UBE2E1: variants seen among roughly 807,000 people sequenced by gnomAD.
The protein encoded by UBE2E1 is ubiquitin conjugating enzyme E2 E1.
A neutral mutation model predicts 21.4 loss-of-function variants in UBE2E1; 6 were observed. The ratio of observed to expected loss-of-function variants is 0.28; its 90% confidence interval spans 0.15 to 0.55. UBE2E1 has a LOEUF of 0.55. UBE2E1 is among the 20% of genes least tolerant of loss of function. The pLI, the probability that UBE2E1 is intolerant of heterozygous loss-of-function variation, is 0.93. For missense variants in UBE2E1, 142 were observed against 236.5 expected, an observed-to-expected ratio of 0.60 and a Z score of 2.62; for synonymous variants, 87 against 82.7, an observed-to-expected ratio of 1.05 and a Z score of -0.28.
intron 3 of UBE2E1, among the ~76,000 whole-genome samples, chr3:23,873,575 G>A (rs767367620): frequency 2.0e-5 from 3 of 152,108 alleles, no homozygotes; most frequent in African/African-American, 4.8e-5. Context: ...GTGACACCCC[G>A]TCTCTACTAA....
At chr3:23,873,505 G>T (rs1051957381) in intron 3 of UBE2E1, among the ~76,000 whole-genome samples, 1 of 152,052 alleles carries the variant, frequency 6.6e-6, no homozygotes, top group African/African-American at 2.4e-5. Context: ...CCAGCACTTT[G>T]GGGAGGCTGA....
chr3:23,822,695 C>T (rs1316988997), intron 3 of UBE2E1, among the ~76,000 whole-genome samples: 3 of 152,206 alleles, frequency 2.0e-5, no homozygotes, highest in Non-Finnish European at 2.9e-5. Flanking sequence ...AAATATTTTA[C>T]ATGCTTTGAT....
At chr3:23,807,103 C>T in intron 1 of UBE2E1, 134 bp from the exon 2 acceptor site, 1 of 703,698 alleles carries the variant, frequency 1.4e-6, no homozygotes, top group East Asian at 2.8e-5. Context: ...GGCCTGCAGA[C>T]TTTGAAAAGC....
chr3:23,831,553 G>C (rs1699866756), intron 3 of UBE2E1, among the ~76,000 whole-genome samples: 1 of 138,124 alleles, frequency 7.2e-6, no homozygotes, highest in South Asian at 2.2e-4. Flanking sequence ...GTCCCACTCT[G>C]TTGCCCAGGC....
chr3:23,882,168 T>TA (rs1248875736), intron 3 of UBE2E1, among the ~76,000 whole-genome samples: 6 of 152,180 alleles, frequency 3.9e-5, no homozygotes, highest in Admixed American at 1.3e-4. Flanking sequence ...GCCTGCTTTT[T>TA]ATTCCTTTAT....
At chr3:23,888,887 T>C (rs115499968) in intron 4 of UBE2E1, among the ~76,000 whole-genome samples, 2,251 of 152,300 alleles carry the variant, frequency 0.015, 29 homozygotes, top group African/African-American at 0.031. Context: ...AAAGATGAAA[T>C]TAGGAAGTAC....
At chr3:23,845,613 G>GTGTGTGTA (rs1413363695) in intron 3 of UBE2E1, among the ~76,000 whole-genome samples, 6 of 151,066 alleles carry the variant, frequency 4.0e-5, no homozygotes, top group African/African-American at 1.2e-4. Context: ...GTGTGTGTGT[G>GTGTGTGTA]TGTATGTGTG....
rs200182715 is a variant in UBE2E1, at chr3:23,842,250, G to T, written c.203+30740G>T. Among the ~76,000 whole-genome samples the T allele has an allele frequency of 0.039, 3,336 of 86,106 alleles. 105 individuals carry two copies. Among genetic ancestry groups the T allele is most frequent in the African/African-American group, 0.092 (1,996 of 21,592 alleles). 56.5% of individuals were successfully genotyped at this position (86,106 alleles called of 152,430 possible). A position where few individuals can be genotyped will look rare whatever the true frequency, so the allele number is the denominator to read the frequency against. On this transcript the variant is annotated intron_variant, in intron 3 of 5. Coordinates refer to ENST00000306627, the MANE Select transcript of UBE2E1 (RefSeq NM_003341.5). The surrounding 1 kb of genome is among the most constrained non-coding windows in gnomAD (Gnocchi z 4.6). Reference sequence around the variant, plus strand: ...GTGTGTGTGTGTGTGTGTGTGTGTGGTGTTGTTGTTGTTGGCGACAGGGTC... The same window carrying T: ...GTGTGTGTGTGTGTGTGTGTGTGTGTTGTTGTTGTTGTTGGCGACAGGGTC...
rs1701410199 is a variant in UBE2E1, at chr3:23,890,982, A to G, written c.*376A>G. 1 of 156,348 alleles carries G rather than the reference A, an allele frequency of 6.4e-6. No homozygotes were observed. Among genetic ancestry groups the G allele is most frequent in the Non-Finnish European group, 1.4e-5 (1 of 70,624 alleles). The allele number at this position is 156,348 out of a possible 1,614,324, so 9.7% of individuals were successfully genotyped here. On this transcript the variant is annotated 3_prime_UTR_variant, in exon 6 of 6. Coordinates refer to ENST00000306627, the MANE Select transcript of UBE2E1 (RefSeq NM_003341.5). The stretch of plus-strand genomic sequence containing the variant: ...TAAGACTACATACTTTTTGTTTAAA[A>G]CAAAATTGGAATTTGTTTTCCCTTC...
intron 3 of UBE2E1, among the ~76,000 whole-genome samples, chr3:23,827,054 G>C (rs946974814): frequency 4.6e-5 from 7 of 151,906 alleles, no homozygotes; most frequent in African/African-American, 1.7e-4. Context: ...CTAAGAAAAG[G>C]GCCCTTAGGA....
In UBE2E1 at chr3:23,887,504, T is replaced by C; in HGVS notation, c.204-63T>C. 16 of 1,558,374 alleles carry C rather than the reference T, an allele frequency of 1.0e-5. No homozygotes were observed. Among genetic ancestry groups the C allele is most frequent in the African/African-American group, 1.4e-5 (1 of 72,958 alleles). The stretch of plus-strand genomic sequence containing the variant: ...AGAGAGGTAATCTTTCCATCTCTTT[T>C]AATACACTGTAAAAATTGGGATAGT... On this transcript the variant is annotated intron_variant, in intron 3 of 5. Transcript: ENST00000306627. This position sits in a 1 kb window ranked among gnomAD's most constrained non-coding sequence, Gnocchi z 4.4.
At chr3:23,839,846 A>G (rs1700048062) in intron 3 of UBE2E1, among the ~76,000 whole-genome samples, 1 of 152,136 alleles carries the variant, frequency 6.6e-6, no homozygotes, top group African/African-American at 2.4e-5. Flanking sequence ...TTGTCTGGCT[A>G]CTTTTAAGAA....
At position 23,810,497 on chromosome 3, in the gene UBE2E1, CG is replaced by C. The variant is rs1450919130; in HGVS notation, c.153-960del. 1 of 1,535,562 alleles carries C rather than the reference CG, an allele frequency of 6.5e-7. No individual in the cohort carries two copies. The highest frequency in any genetic ancestry group is 8.7e-7 in the Non-Finnish European group (1 of 1,146,644). Reference sequence around the variant, plus strand: ...GACCATGAAGGAAGTGGGCAGACCCCGGGAAGTTAGAGGACGCCCGGGGAAA... The same window carrying C: ...GACCATGAAGGAAGTGGGCAGACCCCGGAAGTTAGAGGACGCCCGGGGAAA... On this transcript the variant is annotated intron_variant, in intron 2 of 5. Coordinates refer to ENST00000306627, the MANE Select transcript of UBE2E1 (RefSeq NM_003341.5). The surrounding 1 kb of genome is among the most constrained non-coding windows in gnomAD (Gnocchi z 5.8).
rs1226071188 is a variant in UBE2E1, at chr3:23,823,571, A to G, written c.203+12061A>G. Among the ~76,000 whole-genome samples, 4 of 152,226 alleles carry G rather than the reference A, an allele frequency of 2.6e-5. No homozygotes were observed. Among genetic ancestry groups the G allele is most frequent in the Non-Finnish European group, 5.9e-5 (4 of 68,034 alleles). ...AAGTTAATATATTAGAATTGGTGTT[A>G]TAAAAATTTATTTCTTAGCAGACTT... On this transcript the variant is annotated intron_variant, in intron 3 of 5. Transcript: ENST00000306627. This position sits in a 1 kb window ranked among gnomAD's most constrained non-coding sequence, Gnocchi z 4.2.
chr3:23,819,076 A>G (rs1699590128), intron 3 of UBE2E1, among the ~76,000 whole-genome samples: 2 of 152,068 alleles, frequency 1.3e-5, no homozygotes, highest in Admixed American at 1.3e-4. Flanking sequence ...TGAGGTCAGG[A>G]GATTGAGACC....
intron 3 of UBE2E1, among the ~76,000 whole-genome samples, chr3:23,830,425 T>TTTGTTTTTG (rs1699844004): frequency 1.3e-5 from 2 of 151,246 alleles, no homozygotes; most frequent in South Asian, 2.1e-4. Flanking sequence ...ATTTTTTTGT[T>TTTGTTTTTG]TTTGTTTTTG....
At position 23,879,413 on chromosome 3, in the gene UBE2E1, T is replaced by C. The variant is rs1454667484; in HGVS notation, c.204-8154T>C. ...TAAGACAGTTGTCTTGCTAGCACAG[T>C]ACAAACCCAGGAAAACAGTGTGGAA... On this transcript the variant is annotated intron_variant, in intron 3 of 5. Transcript: ENST00000306627. The C allele has an allele frequency of 6.3e-6, 3 of 474,158 alleles. No individual in the cohort carries two copies. The East Asian group carries it at 1.7e-4, about 27-fold the overall frequency. 29.4% of individuals were successfully genotyped at this position (474,158 alleles called of 1,614,324 possible).
At chr3:23,815,836 G>A (rs1699503839) in intron 3 of UBE2E1, among the ~76,000 whole-genome samples, 1 of 152,206 alleles carries the variant, frequency 6.6e-6, no homozygotes, top group African/African-American at 2.4e-5. Context: ...AATGCGTTAA[G>A]GATAGAAGTG....
At chr3:23,884,220 A>T (rs940525107) in intron 3 of UBE2E1, among the ~76,000 whole-genome samples, 1 of 89,610 alleles carries the variant, frequency 1.1e-5, no homozygotes, top group African/African-American at 5.9e-5. Context: ...TTAACACCTA[A>T]ATTGCAAACA....
Sources: allele counts gnomAD v4.1 joint callset (sites outside exome capture counted in the v4.1 genomes callset), GRCh38; gene constraint gnomAD v4.1.1; non-coding constraint Gnocchi (gnomAD v3.1); transcripts MANE v1.5; gene names NCBI Gene and HGNC (gene_info 2026-07-23, HGNC 2026-07-21).